Variants in NHS observed in about 807,000 individuals in gnomAD.
NHS encodes the protein NHS actin remodeling regulator, also known as actin remodeling regulator NHS.
In NHS, 5 loss-of-function variants were observed where a neutral mutation model predicts 72.5. The ratio of observed to expected loss-of-function variants is 0.07; its 90% confidence interval spans 0.04 to 0.14. The LOEUF is 0.14. Ranked by LOEUF, NHS falls within the 10% of genes least tolerant of loss-of-function variation. The pLI is 1.00. For synonymous variants in NHS, 464 were observed against 547.7 expected (o/e 0.85, Z 2.13); for missense variants, 1,072 against 1,355.7 (o/e 0.79, Z 3.29).
At chrX:17,378,133 G>A (rs2064356551) in intron 1 of NHS, among the ~76,000 whole-genome samples, 1 of 109,813 alleles carries the variant, frequency 9.1e-6, no homozygotes, top group East Asian at 2.9e-4. Context: ...GAAACTCACT[G>A]CCAGAGCAGA....
chrX:17,681,744 C>T (rs2066129918), intron 1 of NHS, among the ~76,000 whole-genome samples: 1 of 111,920 alleles, frequency 8.9e-6, no homozygotes, highest in African/African-American at 3.3e-5. Context: ...AACAGTCTTC[C>T]TGGTATGAAG....
chrX:17,601,985 C>G (rs2065652086), intron 1 of NHS, among the ~76,000 whole-genome samples: 2 of 111,966 alleles, frequency 1.8e-5, no homozygotes, highest in African/African-American at 6.5e-5. Flanking sequence ...CTTTTCAACA[C>G]GTTCTCTTAC....
chrX:17,636,063 C>T (rs1207571706), intron 1 of NHS, among the ~76,000 whole-genome samples: 1 of 112,222 alleles, frequency 8.9e-6, no homozygotes, highest in Non-Finnish European at 1.9e-5. Context: ...TGGGCTTGCA[C>T]CAGGCCCTAT....
chrX:17,620,887 G>A (rs1421797612), intron 1 of NHS, among the ~76,000 whole-genome samples: 1 of 111,411 alleles, frequency 9.0e-6, no homozygotes, highest in Non-Finnish European at 1.9e-5. Context: ...AAAAGTGGAG[G>A]GTTGAAGGAA....
chrX:17,692,303 A>G (rs1479610340), intron 2 of NHS, 32 bp from the exon 3 acceptor site: 3 of 1,204,885 alleles, frequency 2.5e-6, no homozygotes, highest in African/African-American at 3.6e-5. Flanking sequence ...TGCCAAGTGT[A>G]TTTCAGTATT....
chrX:17,470,074 G>A (rs1175122915), intron 1 of NHS, among the ~76,000 whole-genome samples: 1 of 111,222 alleles, frequency 9.0e-6, no homozygotes, highest in Non-Finnish European at 1.9e-5. Context: ...TACGTGGGGG[G>A]TGCTGGCATT....
At chrX:17,461,220 C>T (rs757137147) in intron 1 of NHS, among the ~76,000 whole-genome samples, 1 of 111,736 alleles carries the variant, frequency 8.9e-6, no homozygotes, top group East Asian at 2.8e-4. Context: ...CGCCAGGTAT[C>T]GAAAGTCAAC....
chrX:17,680,277 A>G (rs5955543), intron 1 of NHS, among the ~76,000 whole-genome samples: 18,846 of 111,821 alleles, frequency 0.17, 2,639 homozygotes, highest in African/African-American at 0.44. Flanking sequence ...TGGGAGGAAG[A>G]GGCTGCTGAG....
chrX:17,573,351 A>G lies in NHS; in HGVS notation c.566-114391A>G, dbSNP rs1273586449. 9.9e-5 allele frequency among the ~76,000 whole-genome samples: 11 copies of G among 110,646 alleles called. No individual in the cohort carries two copies. The Admixed American group carries it at 1.1e-3, about 11-fold the overall frequency. ...AGATTTGGTGTTTTCACATAGTCCA[A>G]TATTTCTTGGAAGCTTTGTTCATTT... On this transcript the variant is annotated intron_variant, in intron 1 of 8. Coordinates refer to ENST00000676302, the MANE Select transcript of NHS (RefSeq NM_001291867.2).
chrX:17,411,733 G>A (rs1055332539), intron 1 of NHS, among the ~76,000 whole-genome samples: 19 of 111,854 alleles, frequency 1.7e-4, no homozygotes, highest in African/African-American at 5.5e-4. Flanking sequence ...ATATATCCAG[G>A]TAGTGTAGAA....
intron 3 of NHS, among the ~76,000 whole-genome samples, chrX:17,714,564 G>T (rs111448590): frequency 1.7e-3 from 195 of 112,011 alleles, no homozygotes; most frequent in African/African-American, 6.2e-3. Context: ...TATGTGGGTG[G>T]CAATAATTTG....
At chrX:17,524,774 G>A (rs1022641052) in intron 1 of NHS, among the ~76,000 whole-genome samples, 1 of 112,229 alleles carries the variant, frequency 8.9e-6, no homozygotes, top group African/African-American at 3.2e-5. Flanking sequence ...CTGTGTAGCT[G>A]TTCTTTTTCC....
intron 1 of NHS, among the ~76,000 whole-genome samples, chrX:17,623,517 G>T (rs1041506656): frequency 9.0e-6 from 1 of 110,890 alleles, no homozygotes; most frequent in South Asian, 3.9e-4. Flanking sequence ...CTGTGGCTAG[G>T]CTAGGAGATG....
chrX:17,465,835 A>G (rs765138001), intron 1 of NHS, among the ~76,000 whole-genome samples: 1 of 112,518 alleles, frequency 8.9e-6, no homozygotes, highest in South Asian at 3.7e-4. Context: ...TTTTACATCC[A>G]TTGCCTGAAA....
intron 1 of NHS, among the ~76,000 whole-genome samples, chrX:17,414,125 A>C (rs1475961311): frequency 8.9e-6 from 1 of 112,523 alleles, no homozygotes; most frequent in African/African-American, 3.2e-5. Flanking sequence ...TGCCAGGTCA[A>C]ATTTCCAGGA....
At chrX:17,703,113 T>TA (rs999410510) in intron 3 of NHS, among the ~76,000 whole-genome samples, 1 of 106,770 alleles carries the variant, frequency 9.4e-6, no homozygotes, top group Admixed American at 1.0e-4. Flanking sequence ...ATAAGAAAAA[T>TA]AAAAAAAGAA....
chrX:17,597,188 C>G (rs372240504), intron 1 of NHS, among the ~76,000 whole-genome samples: 27 of 101,723 alleles, frequency 2.7e-4, no homozygotes, highest in African/African-American at 8.3e-4. Context: ...GGCGCGATCT[C>G]GGCTCAGTGC....
chrX:17,381,189 A>G (rs1015672077), intron 1 of NHS, among the ~76,000 whole-genome samples: 5 of 111,901 alleles, frequency 4.5e-5, no homozygotes, highest in Non-Finnish European at 9.4e-5. Flanking sequence ...GACTTTGGAA[A>G]TACTTCATGG....
intron 1 of NHS, among the ~76,000 whole-genome samples, chrX:17,460,535 A>G (rs1276309891): frequency 3.6e-5 from 4 of 111,040 alleles, no homozygotes; most frequent in South Asian, 7.6e-4. Flanking sequence ...GAATTTACAG[A>G]GAAATGCTAC....
Sources: gnomAD v4.1 joint callset for allele counts (sites outside exome capture counted in the v4.1 genomes callset) on GRCh38, gnomAD v4.1.1 for gene constraint, MANE v1.5 for transcripts, NCBI Gene and HGNC (gene_info 2026-07-23, HGNC 2026-07-21) for gene names.